The following CCDC88A variants were observed in gnomAD, a reference collection of about 807,000 sequenced individuals.
CCDC88A encodes the protein coiled-coil and HOOK domain protein 88A.
A neutral mutation model predicts 234.3 loss-of-function variants in CCDC88A; 54 were observed. That is an observed-to-expected ratio of 0.23 (90% confidence interval 0.19 to 0.29). CCDC88A has a LOEUF of 0.29. CCDC88A is among the 10% of genes least tolerant of loss of function. The pLI is 1.00. For synonymous variants in CCDC88A, 753 were observed against 737.8 expected, an observed-to-expected ratio of 1.02 and a Z score of -0.33; for missense variants, 1,832 against 2,123.4, an observed-to-expected ratio of 0.86 and a Z score of 2.70.
intron 2 of CCDC88A, among the ~76,000 whole-genome samples, chr2:55,392,446 A>C (rs536334034): frequency 1.4e-4 from 22 of 152,318 alleles, no homozygotes; most frequent in African/African-American, 5.3e-4. Context: ...TATAGCATTG[A>C]GTCTTGCCAC....
At chr2:55,294,771 A>G (rs1249016189) in intron 31 of CCDC88A, 1 of 1,004,318 alleles carries the variant, frequency 1.0e-6, no homozygotes, top group African/African-American at 1.7e-5. Flanking sequence ...CTGGATATCA[A>G]AGTAACAATC....
chr2:55,372,436 A>C lies in CCDC88A; in HGVS notation c.402+16T>G, dbSNP rs1270046810. 2 of 1,342,858 alleles carry C rather than the reference A, an allele frequency of 1.5e-6. No individual in the cohort carries two copies. The highest frequency in any genetic ancestry group is 2.7e-5 in the South Asian group (2 of 75,098). The allele number at this position is 1,342,858 out of a possible 1,614,324, so 83.2% of individuals were successfully genotyped here. A position where few individuals can be genotyped will look rare whatever the true frequency, so the allele number is the denominator to read the frequency against. ...AGGTTGTTAAAATGAAAATATGAAA[A>C]AATATTTTAACTTACCTGAACTGCA... On this transcript the variant is annotated intron_variant, in intron 5 of 32. Transcript: ENST00000436346.
intron 7 of CCDC88A, among the ~76,000 whole-genome samples, chr2:55,359,488 A>T (rs192125398): frequency 6.6e-6 from 1 of 152,052 alleles, no homozygotes; most frequent in Admixed American, 6.5e-5. Context: ...AAGGCTTCCT[A>T]TACATTTTCA....
intron 2 of CCDC88A, among the ~76,000 whole-genome samples, chr2:55,396,060 C>G (rs1677484957): frequency 1.7e-5 from 2 of 118,406 alleles, no homozygotes; most frequent in Non-Finnish European, 3.8e-5. Context: ...GCAATCCATT[C>G]TGGTATTTTT....
At chr2:55,321,132 A>G (rs1178446603) in intron 18 of CCDC88A, 2 of 146,788 alleles carry the variant, frequency 1.4e-5, no homozygotes, top group Admixed American at 6.8e-5. Context: ...AAAAAAAAAA[A>G]GATAATAGAT....
intron 13 of CCDC88A, chr2:55,337,383 T>C (rs1667927625): frequency 6.6e-6 from 1 of 152,172 alleles, no homozygotes; most frequent in Non-Finnish European, 1.5e-5. Context: ...AAAATACTGG[T>C]AGTTAATATG....
chr2:55,348,206 C>T (rs1309570939), intron 9 of CCDC88A, among the ~76,000 whole-genome samples: 1 of 152,158 alleles, frequency 6.6e-6, no homozygotes, highest in Admixed American at 6.5e-5. Flanking sequence ...CTCAAGCAAC[C>T]CACCTGCCTT....
chr2:55,312,525 G>T lies in CCDC88A; in HGVS notation c.3988C>A (p.Gln1330Lys), dbSNP rs1474467530. 3 of 1,610,278 alleles carry T rather than the reference G, an allele frequency of 1.9e-6. No individual in the cohort carries two copies. The change falls in exon 23 of 33, where the codon CAA (glutamine) becomes AAA (lysine). Residue 1330 changes from glutamine to lysine, a missense_variant. By Grantham distance (53) the Gln-to-Lys change is moderately conservative (BLOSUM62 1). Around this residue, in one of 6 missense-constraint regions of CCDC88A, gnomAD observed 1,282 missense variants for 1,543.6 expected, o/e 0.83. Transcript: ENST00000436346. ...TTCTGTAGCATTAATGTCTGAATTTGATCTAGTAGATGCCGATTTTCTTCT... is the reference window on the plus strand; with the variant it reads ...TTCTGTAGCATTAATGTCTGAATTTTATCTAGTAGATGCCGATTTTCTTCT... Reference protein sequence around the residue: ...LEEENRHLLDQIQTLMLQNRT... With the variant: ...LEEENRHLLDKIQTLMLQNRT...
At chr2:55,408,496 G>T (rs1031521280) in intron 2 of CCDC88A, among the ~76,000 whole-genome samples, 11 of 152,190 alleles carry the variant, frequency 7.2e-5, no homozygotes, top group African/African-American at 2.4e-4. Flanking sequence ...AAACTCACCA[G>T]AGCCCACCAA....
intron 4 of CCDC88A, among the ~76,000 whole-genome samples, chr2:55,372,955 T>C (rs566989044): frequency 1.3e-5 from 2 of 152,302 alleles, no homozygotes; most frequent in Admixed American, 6.5e-5. Context: ...CATCTCCTTA[T>C]AAAATTTAAA....
chr2:55,362,181 C>G lies in CCDC88A; in HGVS notation c.627+127G>C, dbSNP rs557134614. On this transcript the variant is annotated intron_variant, in intron 7 of 32. Coordinates refer to ENST00000436346, the MANE Select transcript of CCDC88A (RefSeq NM_001365480.1). ...CATCCTTTCAGGTTCCTGTGTTCCA[C>G]ACAAAAAAAGACACTCCTGTATCAC... 3.7e-5 allele frequency: 25 copies of G among 670,834 alleles called. No individual in the cohort carries two copies. In the African/African-American group the frequency reaches 4.6e-4, roughly 12 times the overall value. 41.6% of individuals were successfully genotyped at this position (670,834 alleles called of 1,614,324 possible). A position where few individuals can be genotyped will look rare whatever the true frequency, so the allele number is the denominator to read the frequency against.
chr2:55,294,458 ATTAG>A (rs1679785969), intron 31 of CCDC88A: 1 of 844,782 alleles, frequency 1.2e-6, no homozygotes, highest in Non-Finnish European at 1.4e-6. Context: ...AAATATGGGT[ATTAG>A]TTAATATTTG....
At chr2:55,382,122 G>C (rs1255372928) in intron 3 of CCDC88A, among the ~76,000 whole-genome samples, 1 of 152,024 alleles carries the variant, frequency 6.6e-6, no homozygotes, top group African/African-American at 2.4e-5. Context: ...TAAAACATTT[G>C]TTTTATAACA....
rs541766532 is a variant in CCDC88A at position 55,407,551 on chromosome 2, G to C, written c.164+11265C>G. On this transcript the variant is annotated intron_variant, in intron 2 of 32. Coordinates refer to ENST00000436346, the MANE Select transcript of CCDC88A (RefSeq NM_001365480.1). Reference sequence around the variant, plus strand: ...AACCGGGAGGCAGAGGTTGTAGTGAGCCAAGATCGCATCACTGCACTCCAG... The same window carrying C: ...AACCGGGAGGCAGAGGTTGTAGTGACCCAAGATCGCATCACTGCACTCCAG... 1.3e-4 allele frequency among the ~76,000 whole-genome samples: 20 copies of C among 151,798 alleles called. No individual in the cohort carries two copies. The South Asian group carries it at 3.8e-3, about 28-fold the overall frequency.
chr2:55,294,231 A>G, intron 31 of CCDC88A: 2 of 913,398 alleles, frequency 2.2e-6, no homozygotes, highest in Non-Finnish European at 2.6e-6. Flanking sequence ...TGGAAAAACT[A>G]TTGTATTAAC....
chr2:55,389,093 A>C (rs936597550), intron 2 of CCDC88A, among the ~76,000 whole-genome samples: 4 of 152,212 alleles, frequency 2.6e-5, no homozygotes, highest in African/African-American at 4.8e-5. Context: ...TCCCAAAGCA[A>C]GAACAAAATT....
intron 31 of CCDC88A, chr2:55,294,586 G>A (rs1679802597): frequency 1.0e-6 from 1 of 983,732 alleles, no homozygotes; most frequent in African/African-American, 1.8e-5. Flanking sequence ...CTGTACATAT[G>A]TAATATAAAG....
chr2:55,408,461 G>A (rs937305457), intron 2 of CCDC88A, among the ~76,000 whole-genome samples: 9 of 152,074 alleles, frequency 5.9e-5, no homozygotes, highest in African/African-American at 1.9e-4. Context: ...TAAAGACCAC[G>A]CTGACAAAAC....
intron 3 of CCDC88A, among the ~76,000 whole-genome samples, chr2:55,381,552 C>CAAAAA (rs5831359): frequency 2.1e-4 from 20 of 93,318 alleles, no homozygotes; most frequent in African/African-American, 5.6e-4. Flanking sequence ...GACCCTGTCT[C>CAAAAA]AAAAAAAAAA....
Sources: allele counts gnomAD v4.1 joint callset (sites outside exome capture counted in the v4.1 genomes callset), GRCh38; gene constraint gnomAD v4.1.1; regional missense constraint gnomAD v4.1.1; transcripts MANE v1.5; gene names NCBI Gene and HGNC (gene_info 2026-07-23, HGNC 2026-07-21).